The following PLCXD3 variants were observed in gnomAD, a reference collection of about 807,000 sequenced individuals.
PLCXD3 encodes PI-PLC X domain-containing protein 3.
A neutral mutation model predicts 25.5 loss-of-function variants in PLCXD3; 19 were observed. The observed-to-expected ratio is 0.75, with a 90% CI of 0.52 to 1.09. PLCXD3 has a LOEUF of 1.09. Ranked by LOEUF, PLCXD3 falls within the 50% of genes least tolerant of loss-of-function variation. The pLI is 0.00. For missense variants in PLCXD3, 411 were observed against 388.1 expected (o/e 1.06, Z -0.50); for synonymous variants, 174 against 137.6 (o/e 1.26, Z -1.85).
At chr5:41,495,100 A>G (rs1021620567) in intron 1 of PLCXD3, among the ~76,000 whole-genome samples, 1 of 152,250 alleles carries the variant, frequency 6.6e-6, no homozygotes, top group Admixed American at 6.5e-5. Flanking sequence ...CAAAGCCAGA[A>G]GGCAGATTTT....
At chr5:41,448,939 T>C (rs150389709) in intron 1 of PLCXD3, among the ~76,000 whole-genome samples, 11 of 152,298 alleles carry the variant, frequency 7.2e-5, no homozygotes, top group Non-Finnish European at 1.0e-4. Context: ...TCCATTTCAG[T>C]CAGACCCAAA....
chr5:41,396,758 T>C (rs1561259622), intron 1 of PLCXD3, among the ~76,000 whole-genome samples: 1 of 152,160 alleles, frequency 6.6e-6, no homozygotes. Flanking sequence ...CAGATGGAGA[T>C]GAGGAACTTA....
intron 2 of PLCXD3, among the ~76,000 whole-genome samples, chr5:41,379,431 G>A (rs1366721133): frequency 6.6e-6 from 1 of 152,088 alleles, no homozygotes; most frequent in East Asian, 1.9e-4. Flanking sequence ...TTTAGGCTTA[G>A]GAAGCTGGAG....
rs2150466195 is a variant in PLCXD3, at chr5:41,312,488, A to T, written c.*1129T>A. Reference sequence around the variant, plus strand: ...CTTAAAATCTGGAATTTAGAATTAAATATTTGAAAATCCCAAATTGGCAGG... The same window carrying T: ...CTTAAAATCTGGAATTTAGAATTAATTATTTGAAAATCCCAAATTGGCAGG... On this transcript the variant is annotated 3_prime_UTR_variant, in exon 3 of 3. Transcript: ENST00000377801. 6.6e-6 allele frequency: 1 copy of T among 152,248 alleles called. No individual in the cohort carries two copies. Among genetic ancestry groups the T allele is most frequent in the Middle Eastern group, 3.4e-3 (1 of 296 alleles). The allele number at this position is 152,248 out of a possible 1,614,324, so 9.4% of individuals were successfully genotyped here.
Position 41,433,206 on chromosome 5 carries a change from C to T in PLCXD3, c.104-50672G>A, listed in dbSNP as rs1321906560. Among the ~76,000 whole-genome samples, 3 of 152,176 alleles carry T rather than the reference C, an allele frequency of 2.0e-5. No individual in the cohort carries two copies. The South Asian group carries it at 6.2e-4, about 31-fold the overall frequency. ...GAGAATTTGGACTGCTACTTACCAA[C>T]TGGGTAGCCTTGGGCAAGTCTTAGA... On this transcript the variant is annotated intron_variant, in intron 1 of 2. Transcript: ENST00000377801.
chr5:41,325,197 G>A (rs1039819486), intron 2 of PLCXD3, among the ~76,000 whole-genome samples: 2 of 152,106 alleles, frequency 1.3e-5, no homozygotes, highest in African/African-American at 4.8e-5. Flanking sequence ...GATGAAATAT[G>A]AATATTACAT....
At chr5:41,480,893 G>T (rs1411510211) in intron 1 of PLCXD3, among the ~76,000 whole-genome samples, 1 of 152,022 alleles carries the variant, frequency 6.6e-6, no homozygotes, top group Non-Finnish European at 1.5e-5. Flanking sequence ...CTGCATGACA[G>T]AGCAAGACTC....
At chr5:41,503,124 T>C (rs553133238) in intron 1 of PLCXD3, among the ~76,000 whole-genome samples, 1 of 152,298 alleles carries the variant, frequency 6.6e-6, no homozygotes, top group Admixed American at 6.5e-5. Context: ...GAGACATGCA[T>C]TGAAGATAAG....
intron 1 of PLCXD3, among the ~76,000 whole-genome samples, chr5:41,503,965 ATGTG>A (rs72485445): frequency 2.8e-4 from 41 of 146,892 alleles, no homozygotes; most frequent in African/African-American, 9.5e-4. Flanking sequence ...AGGAATTAAA[ATGTG>A]TGTGTGTGTG....
Position 41,358,425 on chromosome 5 carries a change from C to A in PLCXD3, c.812+23401G>T, listed in dbSNP as rs564472914. Among the ~76,000 whole-genome samples, 8 of 152,224 alleles carry A rather than the reference C, an allele frequency of 5.3e-5. No homozygotes were observed. In the East Asian group the frequency reaches 1.5e-3, roughly 29 times the overall value. On this transcript the variant is annotated intron_variant, in intron 2 of 2. Coordinates refer to ENST00000377801, the MANE Select transcript of PLCXD3 (RefSeq NM_001005473.3). Reference sequence around the variant, plus strand: ...TCGCCTGAGCAGTGTACCCTGCATCCAATATGTAGTCTTTTATTCCTCACC... The same window carrying A: ...TCGCCTGAGCAGTGTACCCTGCATCAAATATGTAGTCTTTTATTCCTCACC...
intron 1 of PLCXD3, among the ~76,000 whole-genome samples, chr5:41,467,850 C>A (rs1236943761): frequency 6.6e-6 from 1 of 151,960 alleles, no homozygotes; most frequent in Non-Finnish European, 1.5e-5. Context: ...GCAGCTTTGC[C>A]AAAAATCAGT....
intron 1 of PLCXD3, among the ~76,000 whole-genome samples, chr5:41,406,163 C>T (rs1173355251): frequency 6.6e-6 from 1 of 152,098 alleles, no homozygotes; most frequent in African/African-American, 2.4e-5. Flanking sequence ...TTGTCCTTTA[C>T]TGCCTCCTGT....
intron 1 of PLCXD3, among the ~76,000 whole-genome samples, chr5:41,431,887 C>G (rs1747117350): frequency 6.6e-6 from 1 of 152,142 alleles, no homozygotes; most frequent in Admixed American, 6.6e-5. Context: ...TCAAGCCATT[C>G]TCCTGCAACT....
At chr5:41,433,279 A>G (rs2150509344) in intron 1 of PLCXD3, among the ~76,000 whole-genome samples, 1 of 152,294 alleles carries the variant, frequency 6.6e-6, no homozygotes, top group Middle Eastern at 3.4e-3. Flanking sequence ...AATGACACTA[A>G]CCTCATCTCC....
chr5:41,452,909 T>C (rs1450928550), intron 1 of PLCXD3, among the ~76,000 whole-genome samples: 1 of 152,052 alleles, frequency 6.6e-6, no homozygotes, highest in African/African-American at 2.4e-5. Context: ...ATTGTGTATA[T>C]TTGTGAGGTA....
intron 1 of PLCXD3, among the ~76,000 whole-genome samples, chr5:41,474,604 G>T (rs1269140030): frequency 2.0e-5 from 3 of 152,172 alleles, no homozygotes; most frequent in Non-Finnish European, 4.4e-5. Context: ...TCTCCTAGTT[G>T]TACTTCCAAA....
intron 1 of PLCXD3, among the ~76,000 whole-genome samples, chr5:41,383,642 C>T (rs544062479): frequency 2.0e-5 from 3 of 152,008 alleles, no homozygotes. Context: ...TGACCTTGTC[C>T]TAGTACCATC....
chr5:41,472,593 C>T (rs1748189724), intron 1 of PLCXD3, among the ~76,000 whole-genome samples: 1 of 152,204 alleles, frequency 6.6e-6, no homozygotes, highest in African/African-American at 2.4e-5. Context: ...ATTGAACAAT[C>T]TATACCATCA....
At chr5:41,423,175 T>C in intron 1 of PLCXD3, among the ~76,000 whole-genome samples, 1 of 152,264 alleles carries the variant, frequency 6.6e-6, no homozygotes, top group East Asian at 1.9e-4. Flanking sequence ...CTGACTTTGA[T>C]TTATTATTTT....
Sources: allele counts gnomAD v4.1 joint callset (sites outside exome capture counted in the v4.1 genomes callset), GRCh38; gene constraint gnomAD v4.1.1; transcripts MANE v1.5; gene names NCBI Gene and HGNC (gene_info 2026-07-23, HGNC 2026-07-21).